The following RB1 variants were observed in gnomAD, a reference collection of about 807,000 sequenced individuals.
RB1 encodes retinoblastoma-associated protein.
RB1 carries 18 observed loss-of-function variants against 135.4 expected under a neutral mutation model. The ratio of observed to expected loss-of-function variants is 0.13; its 90% CI spans 0.09 to 0.20. RB1 has a LOEUF of 0.20. RB1 is among the 10% of genes least tolerant of loss of function. RB1 has a pLI of 1.00. For missense variants in RB1, 868 were observed against 1,110.0 expected (o/e 0.78, Z 3.10); for synonymous variants, 365 against 373.2 (o/e 0.98, Z 0.25).
chr13:48,412,311 G>A (rs750697595), intron 17 of RB1: 2 of 1,612,826 alleles, frequency 1.2e-6, no homozygotes, highest in South Asian at 1.1e-5. Context: ...AATGTATATG[G>A]CAACACAATT....
chr13:48,357,371 G>A (rs934228412), intron 6 of RB1, among the ~76,000 whole-genome samples: 1 of 151,372 alleles, frequency 6.6e-6, no homozygotes, highest in Non-Finnish European at 1.5e-5. Context: ...GGTGTTATTT[G>A]GTCCTCATCT....
chr13:48,418,210 G>C (rs111862682), intron 17 of RB1, among the ~76,000 whole-genome samples: 6 of 152,268 alleles, frequency 3.9e-5, no homozygotes, highest in African/African-American at 7.2e-5. Flanking sequence ...GGCCAGAAAA[G>C]AGTGGGGGCC....
At chr13:48,375,699 C>T (rs1952814301) in intron 12 of RB1, among the ~76,000 whole-genome samples, 1 of 151,880 alleles carries the variant, frequency 6.6e-6, no homozygotes, top group Non-Finnish European at 1.5e-5. Flanking sequence ...GTGACTCAGC[C>T]TCCCAAGTAG....
intron 24 of RB1, 74 bp from the exon 25 acceptor site, chr13:48,476,627 A>G: frequency 8.0e-6 from 12 of 1,494,098 alleles, no homozygotes; most frequent in Non-Finnish European, 1.1e-5. Context: ...CACACCTCAA[A>G]CTATAACTTG....
chr13:48,330,327 A>C (rs576737608), intron 2 of RB1, among the ~76,000 whole-genome samples: 1 of 152,160 alleles, frequency 6.6e-6, no homozygotes, highest in Non-Finnish European at 1.5e-5. Flanking sequence ...AAGAAAGATC[A>C]CAGCAGAAAT....
Position 48,475,110 on chromosome 13 carries a change from G to A in RB1, c.2521-1591G>A, listed in dbSNP as rs138669501. Among the ~76,000 whole-genome samples, 404 of 152,112 alleles carry A rather than the reference G, an allele frequency of 2.7e-3. 1 individual carries two copies. Among genetic ancestry groups the A allele is most frequent in the Middle Eastern group, 0.014 (4 of 294 alleles). On this transcript the variant is annotated intron_variant, in intron 24 of 26. Coordinates refer to ENST00000267163, the MANE Select transcript of RB1 (RefSeq NM_000321.3). Reference sequence around the variant, plus strand: ...TTGGTATTGAACTCCTGGCTTCCACGATACCCCGTCTCAGCCTCCCAAAGA... The same window carrying A: ...TTGGTATTGAACTCCTGGCTTCCACAATACCCCGTCTCAGCCTCCCAAAGA...
At chr13:48,331,430 A>G (rs974300124) in intron 2 of RB1, among the ~76,000 whole-genome samples, 14 of 152,182 alleles carry the variant, frequency 9.2e-5, no homozygotes, top group Non-Finnish European at 1.9e-4. Flanking sequence ...GCCTTTATGA[A>G]TGGATCAATC....
chr13:48,335,897 G>A (rs1040055649), intron 2 of RB1, among the ~76,000 whole-genome samples: 4 of 151,994 alleles, frequency 2.6e-5, no homozygotes, highest in Non-Finnish European at 4.4e-5. Context: ...GAGGGCTGTA[G>A]GAGTGGATGA....
Position 48,303,930 on chromosome 13 carries a change from C to T in RB1, c.18C>T (p.Pro6=), listed in dbSNP as rs1017683562. 4.0e-6 allele frequency: 6 copies of T among 1,511,694 alleles called. No homozygotes were observed. Among genetic ancestry groups the T allele is most frequent in the Admixed American group, 2.0e-5 (1 of 48,800 alleles). 93.6% of individuals were successfully genotyped at this position (1,511,694 alleles called of 1,614,324 possible). A position where few individuals can be genotyped will look rare whatever the true frequency, so the allele number is the denominator to read the frequency against. Residue 6 remains proline (P), a synonymous_variant, in exon 1 of 27, where the codon CCC becomes CCT. Coordinates refer to ENST00000267163, the MANE Select transcript of RB1 (RefSeq NM_000321.3). MPPKT[P]RKTAATAAAA... is the part of the protein sequence containing the mutation. ...AAGGCGTCATGCCGCCCAAAACCCCCCGAAAAACGGCCGCCACCGCCGCCG... is the reference window on the plus strand; with the variant it reads ...AAGGCGTCATGCCGCCCAAAACCCCTCGAAAAACGGCCGCCACCGCCGCCG...
In RB1 at chr13:48,456,699, T is replaced by C. The variant is rs1593532413; in HGVS notation, c.1960+350T>C. 2.6e-5 allele frequency among the ~76,000 whole-genome samples: 4 copies of C among 151,810 alleles called. No individual in the cohort carries two copies. In the South Asian group the frequency reaches 8.3e-4, roughly 32 times the overall value. ...AAGTCAGACATGGAACGGAGAGGGG[T>C]GTGTGGGCAAGCATGAGATCTGGCC... On this transcript the variant is annotated intron_variant, in intron 19 of 26. Coordinates refer to ENST00000267163, the MANE Select transcript of RB1 (RefSeq NM_000321.3).
chr13:48,465,535 C>T (rs1949435321), intron 23 of RB1, among the ~76,000 whole-genome samples, 167 bp downstream of exon 23: 1 of 152,218 alleles, frequency 6.6e-6, no homozygotes, highest in Admixed American at 6.5e-5. Context: ...TGAAGAAAAT[C>T]TATTTACGAC....
intron 2 of RB1, chr13:48,318,709 T>C (rs547158747): frequency 1.8e-5 from 11 of 628,418 alleles, no homozygotes; most frequent in South Asian, 1.2e-4. Context: ...CTACGTTTCC[T>C]TTTGCAGCTC....
At chr13:48,347,785 A>G (rs1376708879) in intron 4 of RB1, 40 bp from the exon 5 acceptor site, 1 of 1,435,022 alleles carries the variant, frequency 7.0e-7, no homozygotes, top group Admixed American at 1.7e-5. Context: ...CTTCTAAATT[A>G]CGAAAAAATG....
At chr13:48,370,001 T>C (rs562794856) in intron 11 of RB1, among the ~76,000 whole-genome samples, 33 of 152,258 alleles carry the variant, frequency 2.2e-4, no homozygotes, top group Non-Finnish European at 7.4e-5. Context: ...AGGCAATCAG[T>C]AATATATTTC....
intron 2 of RB1, chr13:48,316,850 G>A (rs867844582): frequency 6.6e-6 from 2 of 302,108 alleles, no homozygotes; most frequent in Non-Finnish European, 1.3e-5. Flanking sequence ...CCCACAACTC[G>A]AGGGCTTAGA....
intron 2 of RB1, among the ~76,000 whole-genome samples, chr13:48,308,969 T>C (rs983553386): frequency 3.3e-5 from 5 of 152,180 alleles, no homozygotes; most frequent in African/African-American, 1.2e-4. Context: ...TTTCTAGTGA[T>C]AGTATAATAT....
At chr13:48,373,574 TTAAAA>T (rs1952786497) in intron 12 of RB1, 82 bp downstream of exon 12, 12 of 861,976 alleles carry the variant, frequency 1.4e-5, no homozygotes, top group Non-Finnish European at 2.4e-5. Flanking sequence ...TGAGTTCTTT[TTAAAA>T]TACTAATCTC....
Position 48,466,052 on chromosome 13 carries a change from C to A in RB1, c.2489+684C>A, listed in dbSNP as rs560470109. ...CGGGAAGCTCGAACTGGGTGGAGCC[C>A]ACCACAGGTCAAGGAGGCCTGCCTG... On this transcript the variant is annotated intron_variant, in intron 23 of 26. Transcript: ENST00000267163. 4.0e-5 allele frequency among the ~76,000 whole-genome samples: 6 copies of A among 151,120 alleles called. No homozygotes were observed. The East Asian group carries it at 1.2e-3, about 30-fold the overall frequency.
intron 25 of RB1, 68 bp downstream of exon 25, chr13:48,476,911 C>T (rs1165537151): frequency 1.5e-5 from 24 of 1,569,048 alleles, no homozygotes; most frequent in Non-Finnish European, 1.9e-5. Flanking sequence ...AGTCTCAGCA[C>T]TGCTCCTGGC....
Sources: gnomAD v4.1 joint callset for allele counts (sites outside exome capture counted in the v4.1 genomes callset) on GRCh38, gnomAD v4.1.1 for gene constraint, MANE v1.5 for transcripts, NCBI Gene and HGNC (gene_info 2026-07-23, HGNC 2026-07-21) for gene names.